PXMP2: variants seen among roughly 807,000 people sequenced by gnomAD.
The protein encoded by PXMP2 is peroxisomal membrane protein 2.
In PXMP2, 13 loss-of-function variants were observed where a neutral mutation model predicts 20.2. That is an observed-to-expected ratio of 0.64 (90% CI 0.42 to 1.02). The LOEUF (loss-of-function observed/expected upper bound fraction) is 1.02. Ranked by LOEUF, PXMP2 falls within the 50% of genes least tolerant of loss-of-function variation. PXMP2 has a pLI of 0.00. For synonymous variants in PXMP2, 113 were observed against 111.2 expected (o/e 1.02, Z -0.10); for missense variants, 284 against 251.8 (o/e 1.13, Z -0.87).
chr12:132,691,917 T>G (rs1187913933), intron 2 of PXMP2, among the ~76,000 whole-genome samples: 1 of 152,268 alleles, frequency 6.6e-6, no homozygotes, highest in Non-Finnish European at 1.5e-5. Context: ...GGGGAATGAT[T>G]AGTAGCAACG....
chr12:132,687,592 G>T lies in PXMP2; in HGVS notation c.-79G>T, dbSNP rs2043310042. On this transcript the variant is annotated 5_prime_UTR_variant, in exon 1 of 5. Transcript: ENST00000317479. ...GGAAATGTCAGGCGGTCCCCACTCCGCTCTCGGCGCCTCGGGCTCCGCGCC... is the reference window on the plus strand; with the variant it reads ...GGAAATGTCAGGCGGTCCCCACTCCTCTCTCGGCGCCTCGGGCTCCGCGCC... 1.7e-6 allele frequency: 2 copies of T among 1,165,706 alleles called. No individual in the cohort carries two copies. The highest frequency in any genetic ancestry group is 1.1e-6 in the Non-Finnish European group (1 of 942,974). The allele number at this position is 1,165,706 out of a possible 1,614,324, so 72.2% of individuals were successfully genotyped here.
At position 132,695,887 on chromosome 12, in the gene PXMP2, C is replaced by T. The variant is rs140744945; in HGVS notation, c.240C>T (p.Phe80=). ...GGPLRYAVYG[F]FFTGPLSHFF... ...TCACACCCCCTGGGGGCCTCAGGTT[C>T]TTCTTCACAGGGCCGCTGAGTCACT... Residue 80 remains phenylalanine (F), a synonymous_variant, in exon 3 of 5, where the codon TTC becomes TTT. Transcript: ENST00000317479. 2.9e-4 allele frequency: 468 copies of T among 1,605,056 alleles called. 2 individuals carry two copies. In the African/African-American group the frequency reaches 5.8e-3, roughly 20 times the overall value.
At chr12:132,691,208 C>T (rs1215869768) in intron 2 of PXMP2, among the ~76,000 whole-genome samples, 3 of 151,988 alleles carry the variant, frequency 2.0e-5, no homozygotes, top group Admixed American at 6.6e-5. Flanking sequence ...CCTGCCACCA[C>T]GCCCGGCTAA....
chr12:132,703,735 G>T (rs2043455217), intron 4 of PXMP2, among the ~76,000 whole-genome samples: 1 of 152,184 alleles, frequency 6.6e-6, no homozygotes, highest in Non-Finnish European at 1.5e-5. Context: ...GAGGGGGCTG[G>T]GGCTTGTCCA....
intron 2 of PXMP2, among the ~76,000 whole-genome samples, chr12:132,691,972 G>A (rs1373064817): frequency 1.3e-5 from 2 of 152,172 alleles, no homozygotes; most frequent in Admixed American, 1.3e-4. Flanking sequence ...TTGCCAGTTA[G>A]TTAGTGAGCT....
rs2043358190 is a variant in PXMP2 at position 132,690,260 on chromosome 12, C to T, written c.123-3C>T. The T allele has an allele frequency of 6.2e-7, 1 of 1,612,162 alleles. No homozygotes were observed. Among genetic ancestry groups the T allele is most frequent in the Non-Finnish European group, 8.5e-7 (1 of 1,178,216 alleles). ...TGTTTTCTGATGACCTCCCTCTCCA[C>T]AGTGGCATTTTGTCAGCACTTGGGA... On this transcript the variant is annotated splice_polypyrimidine_tract_variant and splice_region_variant and intron_variant, in intron 1 of 4. Transcript: ENST00000317479.
intron 1 of PXMP2, among the ~76,000 whole-genome samples, chr12:132,690,039 A>G (rs965016428): frequency 6.6e-6 from 1 of 152,248 alleles, no homozygotes; most frequent in African/African-American, 2.4e-5. Flanking sequence ...CACAGCCAGG[A>G]TGTTGACATA....
At chr12:132,700,752 G>A (rs561853641) in intron 3 of PXMP2, among the ~76,000 whole-genome samples, 21 of 151,894 alleles carry the variant, frequency 1.4e-4, no homozygotes, top group South Asian at 4.2e-4. Flanking sequence ...CTTGGCGGAC[G>A]TCCAGAGGAA....
intron 3 of PXMP2, among the ~76,000 whole-genome samples, chr12:132,697,824 TC>T (rs1157509379): frequency 6.6e-6 from 1 of 152,128 alleles, no homozygotes; most frequent in Non-Finnish European, 1.5e-5. Flanking sequence ...ACAGAAGAGT[TC>T]CGGGCCTGGA....
chr12:132,704,852 A>G lies in PXMP2; in HGVS notation c.*165A>G. Reference sequence around the variant, plus strand: ...GAAACAGAAATCTCTGAATGTCAGAACCCTGTCTTTTAAAAAGGCAGTCGC... The same window carrying G: ...GAAACAGAAATCTCTGAATGTCAGAGCCCTGTCTTTTAAAAAGGCAGTCGC... On this transcript the variant is annotated 3_prime_UTR_variant, in exon 5 of 5. Coordinates refer to ENST00000317479, the MANE Select transcript of PXMP2 (RefSeq NM_018663.3). 1.4e-6 allele frequency: 1 copy of G among 718,070 alleles called. No individual in the cohort carries two copies. Among genetic ancestry groups the G allele is most frequent in the Non-Finnish European group, 2.4e-6 (1 of 416,328 alleles). The allele number at this position is 718,070 out of a possible 1,614,324, so 44.5% of individuals were successfully genotyped here. A position where few individuals can be genotyped will look rare whatever the true frequency, so the allele number is the denominator to read the frequency against.
intron 2 of PXMP2, among the ~76,000 whole-genome samples, chr12:132,694,267 T>G (rs866623683): frequency 3.6e-5 from 3 of 84,244 alleles, no homozygotes; most frequent in Admixed American, 1.1e-4. Flanking sequence ...GTTAGTGAGC[T>G]CCCTTGCCAG....
At chr12:132,698,696 G>A (rs1003084181) in intron 3 of PXMP2, among the ~76,000 whole-genome samples, 3 of 151,834 alleles carry the variant, frequency 2.0e-5, no homozygotes, top group Non-Finnish European at 4.4e-5. Flanking sequence ...GCACAATATC[G>A]GCTCACTGCA....
chr12:132,695,860 G>GCTCA (rs2043406987), intron 2 of PXMP2, 24 bp from the exon 3 acceptor site: 3 of 1,587,208 alleles, frequency 1.9e-6, no homozygotes, highest in East Asian at 2.3e-5. Flanking sequence ...CCACAATCTG[G>GCTCA]CTCACACCCC....
chr12:132,690,163 T>A, intron 1 of PXMP2, 100 bp from the exon 2 acceptor site: 2 of 874,386 alleles, frequency 2.3e-6, no homozygotes, highest in Non-Finnish European at 3.7e-6. Context: ...CCCCCGCCCA[T>A]CTGCTGCATG....
At chr12:132,697,031 T>G (rs1416396085) in intron 3 of PXMP2, among the ~76,000 whole-genome samples, 1 of 151,674 alleles carries the variant, frequency 6.6e-6, no homozygotes, top group African/African-American at 2.4e-5. Context: ...TGCACACCTG[T>G]AATCCCAGCA....
chr12:132,687,627 T>G lies in PXMP2; in HGVS notation c.-44T>G, dbSNP rs2043311037. On this transcript the variant is annotated 5_prime_UTR_variant, in exon 1 of 5. Coordinates refer to ENST00000317479, the MANE Select transcript of PXMP2 (RefSeq NM_018663.3). Reference sequence around the variant, plus strand: ...CCTCGGGCTCCGCGCCCGGCCAGCCTGAGGTGGGGTCGGTGCCCCCGGCGG... The same window carrying G: ...CCTCGGGCTCCGCGCCCGGCCAGCCGGAGGTGGGGTCGGTGCCCCCGGCGG... 1.7e-6 allele frequency: 2 copies of G among 1,157,258 alleles called. No individual in the cohort carries two copies. The highest frequency in any genetic ancestry group is 4.7e-5 in the Admixed American group (1 of 21,188). The allele number at this position is 1,157,258 out of a possible 1,614,324, so 71.7% of individuals were successfully genotyped here. A position where few individuals can be genotyped will look rare whatever the true frequency, so the allele number is the denominator to read the frequency against.
chr12:132,696,488 G>A lies in PXMP2; in HGVS notation c.399+442G>A, dbSNP rs555460024. 1.9e-3 allele frequency among the ~76,000 whole-genome samples: 283 copies of A among 152,284 alleles called. 1 individual carries two copies. The highest frequency in any genetic ancestry group is 6.3e-3 in the African/African-American group (261 of 41,572). Reference sequence around the variant, plus strand: ...TTACTACTTGGACCTGCCATTAGAGGTCTTGTCACTGTGTAAAGAAAGAAA... The same window carrying A: ...TTACTACTTGGACCTGCCATTAGAGATCTTGTCACTGTGTAAAGAAAGAAA... On this transcript the variant is annotated intron_variant, in intron 3 of 4. Coordinates refer to ENST00000317479, the MANE Select transcript of PXMP2 (RefSeq NM_018663.3). The surrounding 1 kb of genome is among the most constrained non-coding windows in gnomAD (Gnocchi z 4.4).
At chr12:132,690,140 C>G (rs2043357632) in intron 1 of PXMP2, 123 bp from the exon 2 acceptor site, 3 of 729,386 alleles carry the variant, frequency 4.1e-6, no homozygotes, top group Non-Finnish European at 7.1e-6. Context: ...GCCGCTTTAA[C>G]AAGAATTCCT....
chr12:132,694,773 C>T (rs2043400184), intron 2 of PXMP2, among the ~76,000 whole-genome samples: 1 of 129,324 alleles, frequency 7.7e-6, no homozygotes, highest in African/African-American at 3.0e-5. Context: ...AGTGAGTGCC[C>T]TTGCCAGTTA....
Sources: allele counts gnomAD v4.1 joint callset (sites outside exome capture counted in the v4.1 genomes callset), GRCh38; gene constraint gnomAD v4.1.1; non-coding constraint Gnocchi (gnomAD v3.1); transcripts MANE v1.5; gene names NCBI Gene and HGNC (gene_info 2026-07-23, HGNC 2026-07-21).